The following TTLL7 variants were observed in gnomAD, a reference collection of about 807,000 sequenced individuals.
TTLL7 encodes tubulin tyrosine ligase like 7, also known as tubulin polyglutamylase TTLL7.
In TTLL7, 53 loss-of-function variants were observed where a neutral mutation model predicts 120.2. The ratio of observed to expected loss-of-function variants is 0.44; its 90% CI spans 0.35 to 0.55. TTLL7 has a LOEUF of 0.55. Ranked by LOEUF, TTLL7 falls within the 20% of genes least tolerant of loss-of-function variation. The pLI, the probability that TTLL7 is intolerant of heterozygous loss-of-function variation, is 0.00. For missense variants in TTLL7, 803 were observed against 1,054.7 expected, an observed-to-expected ratio of 0.76 and a Z score of 3.31; for synonymous variants, 353 against 351.7, an observed-to-expected ratio of 1.00 and a Z score of -0.04.
intron 10 of TTLL7, 39 bp from the exon 11 acceptor site, chr1:83,921,433 A>G: frequency 6.2e-7 from 1 of 1,602,846 alleles, no homozygotes; most frequent in Non-Finnish European, 8.5e-7. Flanking sequence ...TAGAACTCGA[A>G]CAAGTTCTGA....
intron 14 of TTLL7, among the ~76,000 whole-genome samples, chr1:83,915,406 T>G (rs912832993): frequency 6.6e-6 from 1 of 152,168 alleles, no homozygotes; most frequent in African/African-American, 2.4e-5. Context: ...ATTCCCTATT[T>G]AATAAATGGT....
At chr1:83,884,034 GTGTGTGTGTA>G (rs1241769708) in intron 19 of TTLL7, among the ~76,000 whole-genome samples, 4 of 151,638 alleles carry the variant, frequency 2.6e-5, no homozygotes. Context: ...TGTGTGGGGG[GTGTGTGTGTA>G]TGTGTGTGTG....
chr1:83,902,901 C>T (rs1571126961), intron 18 of TTLL7, among the ~76,000 whole-genome samples: 1 of 151,976 alleles, frequency 6.6e-6, no homozygotes, highest in South Asian at 2.1e-4. Context: ...CCCCCTCTTT[C>T]TCCAGCATCC....
At chr1:83,962,744 C>A (rs1415373812) in intron 1 of TTLL7, among the ~76,000 whole-genome samples, 1 of 152,096 alleles carries the variant, frequency 6.6e-6, no homozygotes, top group African/African-American at 2.4e-5. Context: ...GGGAAGTAGA[C>A]AATCAGTGGA....
chr1:83,901,825 T>G (rs968754470), intron 18 of TTLL7, among the ~76,000 whole-genome samples: 1 of 151,986 alleles, frequency 6.6e-6, no homozygotes, highest in African/African-American at 2.4e-5. Flanking sequence ...AGTTTCAGCT[T>G]ATTCATGACA....
At chr1:83,930,610 G>A (rs993126998) in intron 9 of TTLL7, among the ~76,000 whole-genome samples, 2 of 152,280 alleles carry the variant, frequency 1.3e-5, no homozygotes, top group South Asian at 2.1e-4. Context: ...CAACCATACT[G>A]ATTCAAATTT....
chr1:83,876,486 A>G (rs1571017368), intron 20 of TTLL7, among the ~76,000 whole-genome samples: 1 of 152,048 alleles, frequency 6.6e-6, no homozygotes, highest in East Asian at 1.9e-4. Flanking sequence ...TAAAAAATAA[A>G]CATTTGTTGA....
At chr1:83,952,015 C>T (rs1649112291) in intron 2 of TTLL7, 39 bp from the exon 3 acceptor site, 2 of 1,585,796 alleles carry the variant, frequency 1.3e-6, no homozygotes, top group South Asian at 1.2e-5. Context: ...ACACTGAAAA[C>T]AAAAATCTAT....
intron 14 of TTLL7, chr1:83,912,917 C>G (rs953328614): frequency 6.6e-6 from 1 of 152,168 alleles, no homozygotes; most frequent in Non-Finnish European, 1.5e-5. Context: ...GTTGTTTCCT[C>G]AGAAGTTTAG....
chr1:83,961,305 C>T (rs1234955882), intron 1 of TTLL7, among the ~76,000 whole-genome samples: 1 of 152,048 alleles, frequency 6.6e-6, no homozygotes, highest in Non-Finnish European at 1.5e-5. Context: ...TTTCAAATCC[C>T]TCTAAATTAA....
At chr1:83,935,707 T>G (rs1647317712) in intron 8 of TTLL7, among the ~76,000 whole-genome samples, 1 of 152,080 alleles carries the variant, frequency 6.6e-6, no homozygotes, top group South Asian at 2.1e-4. Context: ...CCCGGGTTAT[T>G]AAAAATAAGT....
At chr1:83,911,123 T>C (rs1557616796) in intron 15 of TTLL7, 42 bp downstream of exon 15, 2 of 1,517,642 alleles carry the variant, frequency 1.3e-6, no homozygotes, top group Non-Finnish European at 1.8e-6. Context: ...TTCAGTTCCA[T>C]AATTCTTTAT....
intron 18 of TTLL7, among the ~76,000 whole-genome samples, chr1:83,895,819 A>G (rs1247372472): frequency 3.3e-5 from 5 of 152,096 alleles, no homozygotes; most frequent in African/African-American, 1.2e-4. Flanking sequence ...GAACCCCATT[A>G]TCTCTTCTTA....
chr1:83,912,378 GTGCA>G (rs1013360158), intron 14 of TTLL7: 2 of 152,142 alleles, frequency 1.3e-5, no homozygotes, highest in Admixed American at 6.6e-5. Flanking sequence ...CAGAAAGAAT[GTGCA>G]TAACCAAGAA....
intron 1 of TTLL7, among the ~76,000 whole-genome samples, chr1:83,970,630 A>T (rs1650886991): frequency 6.6e-6 from 1 of 152,146 alleles, no homozygotes; most frequent in South Asian, 2.1e-4. Flanking sequence ...ATTGCTAATT[A>T]AGAAAATAAG....
chr1:83,890,359 A>G lies in TTLL7; in HGVS notation c.2331T>C (p.Ser777=). 1 of 1,613,262 alleles carries G rather than the reference A, an allele frequency of 6.2e-7. No homozygotes were observed. Among genetic ancestry groups the G allele is most frequent in the Non-Finnish European group, 8.5e-7 (1 of 1,179,530 alleles). Residue 777 remains serine (S), a synonymous_variant, in exon 19 of 21, where the codon AGT becomes AGC. Transcript: ENST00000260505. ...AACAGTTCCACAGCCCTTGGCCACGACTCCAGAGTAAGCGATTAAAAACCC... is the reference window on the plus strand; with the variant it reads ...AACAGTTCCACAGCCCTTGGCCACGGCTCCAGAGTAAGCGATTAAAAACCC... ...FNRVFNRLLW[S]RGQGLWNCFC...
chr1:83,919,839 A>C lies in TTLL7; in HGVS notation c.1365-5T>G. On this transcript the variant is annotated splice_polypyrimidine_tract_variant and splice_region_variant and intron_variant, in intron 12 of 20. Coordinates refer to ENST00000260505, the MANE Select transcript of TTLL7 (RefSeq NM_024686.6). ...TCTTCAGGAGGATAAATTCGTCTAC[A>C]ACAAAATCAGATAAACCAATTTTTT... 1 of 1,607,902 alleles carries C rather than the reference A, an allele frequency of 6.2e-7. No individual in the cohort carries two copies. Among genetic ancestry groups the C allele is most frequent in the African/African-American group, 1.3e-5 (1 of 74,646 alleles).
rs1654635248 is a variant in TTLL7, at chr1:83,882,834, G to T, written c.2543+129C>A. On this transcript the variant is annotated intron_variant, in intron 20 of 20. Coordinates refer to ENST00000260505, the MANE Select transcript of TTLL7 (RefSeq NM_024686.6). Reference sequence around the variant, plus strand: ...AATTAAAAATATTTTGCAGATAATAGCATGTATGAACTTTCAGTCTTTAGC... The same window carrying T: ...AATTAAAAATATTTTGCAGATAATATCATGTATGAACTTTCAGTCTTTAGC... 8 of 1,012,464 alleles carry T rather than the reference G, an allele frequency of 7.9e-6. No homozygotes were observed. The African/African-American group carries it at 1.3e-4, about 17-fold the overall frequency. 62.7% of individuals were successfully genotyped at this position (1,012,464 alleles called of 1,614,324 possible).
At chr1:83,997,210 G>A (rs1019074820) in intron 1 of TTLL7, among the ~76,000 whole-genome samples, 1 of 152,122 alleles carries the variant, frequency 6.6e-6, no homozygotes, top group Admixed American at 6.5e-5. Context: ...GACATACTAA[G>A]ATGACTCTGT....
Sources: allele counts gnomAD v4.1 joint callset (sites outside exome capture counted in the v4.1 genomes callset), GRCh38; gene constraint gnomAD v4.1.1; transcripts MANE v1.5; gene names NCBI Gene and HGNC (gene_info 2026-07-23, HGNC 2026-07-21).